Variants in GPR157 observed in about 807,000 individuals in gnomAD.
The protein encoded by GPR157 is G-protein coupled receptor 157.
In GPR157, 16 loss-of-function variants were observed where a neutral mutation model predicts 23.5. The ratio of observed to expected loss-of-function variants is 0.68; its 90% CI spans 0.46 to 1.04. The LOEUF (loss-of-function observed/expected upper bound fraction) is 1.04, where lower values mean the gene tolerates loss of function less well. GPR157 is among the 50% of genes least tolerant of loss of function. The probability of loss-of-function intolerance (pLI) is 0.00; values close to 1 mark genes in which losing one functional copy is unlikely to be tolerated. For synonymous variants in GPR157, 200 were observed against 221.5 expected (o/e 0.90, Z 0.86); for missense variants, 440 against 460.7 (o/e 0.96, Z 0.41).
intron 1 of GPR157, among the ~76,000 whole-genome samples, chr1:9,123,825 A>ATATTAT (rs1638909524): frequency 7.3e-6 from 1 of 136,698 alleles, no homozygotes; most frequent in African/African-American, 2.8e-5. Flanking sequence ...TATATATACA[A>ATATTAT]ATATTTAATT....
At chr1:9,109,178 G>A (rs1638421288) in intron 2 of GPR157, among the ~76,000 whole-genome samples, 1 of 150,646 alleles carries the variant, frequency 6.6e-6, no homozygotes, top group South Asian at 2.1e-4. Context: ...TGCCTCCTGG[G>A]TTCAAGTGAT....
rs1639015112 is a variant in GPR157, at chr1:9,128,543, G to A, written c.383+102C>T. ...GCGCCAGCAGGCACTGCTTGCTGTG[G>A]GTAGGGGGTGTCCAACCTAGACGCG... On this transcript the variant is annotated intron_variant, in intron 1 of 3. Transcript: ENST00000377411. This position sits in a 1 kb window ranked among gnomAD's most constrained non-coding sequence, Gnocchi z 6.3. 1 of 1,119,984 alleles carries A rather than the reference G, an allele frequency of 8.9e-7. No homozygotes were observed. The allele number at this position is 1,119,984 out of a possible 1,614,324, so 69.4% of individuals were successfully genotyped here.
chr1:9,106,699 C>T (rs1003766522), intron 2 of GPR157, among the ~76,000 whole-genome samples: 5 of 152,252 alleles, frequency 3.3e-5, no homozygotes, highest in African/African-American at 7.2e-5. Context: ...TGCAAAGGCT[C>T]ATGCCTGGAA....
intron 1 of GPR157, among the ~76,000 whole-genome samples, chr1:9,124,472 A>G (rs2124531241): frequency 6.6e-6 from 1 of 152,322 alleles, no homozygotes; most frequent in Middle Eastern, 3.4e-3. Context: ...TTCCTATCCC[A>G]GAAAAGCAGA....
rs1263774568 is a variant in GPR157, at chr1:9,120,877, G to A, written c.383+7768C>T. ...AGAAAACTTTTATGGGGAAATAAAC[G>A]AAACCAGTTCAATGATTGATATTTT... On this transcript the variant is annotated intron_variant, in intron 1 of 3. Coordinates refer to ENST00000377411, the MANE Select transcript of GPR157 (RefSeq NM_024980.5). This position sits in a 1 kb window ranked among gnomAD's most constrained non-coding sequence, Gnocchi z 4.1. Among the ~76,000 whole-genome samples, 7 of 152,148 alleles carry A rather than the reference G, an allele frequency of 4.6e-5. No individual in the cohort carries two copies. The East Asian group carries it at 5.8e-4, about 13-fold the overall frequency.
chr1:9,114,702 G>A (rs569448600), intron 1 of GPR157, among the ~76,000 whole-genome samples: 2 of 152,156 alleles, frequency 1.3e-5, no homozygotes, highest in Non-Finnish European at 2.9e-5. Flanking sequence ...CTGAGTTTGT[G>A]CTGGGAAATA....
chr1:9,116,207 A>AT (rs368584355), intron 1 of GPR157, among the ~76,000 whole-genome samples: 1 of 74 alleles, frequency 0.014, no homozygotes, highest in Non-Finnish European at 0.017. Context: ...TTATATATAT[A>AT]ATTATATATA....
intron 2 of GPR157, among the ~76,000 whole-genome samples, chr1:9,106,387 G>A (rs942513242): frequency 6.6e-6 from 1 of 151,988 alleles, no homozygotes; most frequent in Non-Finnish European, 1.5e-5. Context: ...ACCCGAGTCT[G>A]CTCCAGTGAG....
chr1:9,128,894 C>G lies in GPR157; in HGVS notation c.134G>C (p.Arg45Pro). The change falls in exon 1 of 4, where the codon CGG becomes CCG. Residue 45 changes from arginine (R) to proline (P), a missense_variant. Transcript: ENST00000377411. This position sits in a 1 kb window ranked among gnomAD's most constrained non-coding sequence, Gnocchi z 6.3. ...THALWPDLRS[R>P]ARRLLLFLSL... ...CAGGAAGAGCAGCAGGCGCCGTGCC[C>G]GGCTGCGCAGGTCGGGCCACAGGGC... 2 of 1,554,588 alleles carry G rather than the reference C, an allele frequency of 1.3e-6. No individual in the cohort carries two copies. The highest frequency in any genetic ancestry group is 1.2e-5 in the South Asian group (1 of 85,054).
At position 9,128,445 on chromosome 1, in the gene GPR157, C is replaced by T. The variant is rs559003895; in HGVS notation, c.383+200G>A. 1.2e-5 allele frequency: 8 copies of T among 686,388 alleles called. No homozygotes were observed. The highest frequency in any genetic ancestry group is 4.6e-5 in the South Asian group (3 of 64,956). 42.5% of individuals were successfully genotyped at this position (686,388 alleles called of 1,614,324 possible). On this transcript the variant is annotated intron_variant, in intron 1 of 3. Coordinates refer to ENST00000377411, the MANE Select transcript of GPR157 (RefSeq NM_024980.5). This position sits in a 1 kb window ranked among gnomAD's most constrained non-coding sequence, Gnocchi z 6.3. Reference sequence around the variant, plus strand: ...GGGCTGTGCCCTGGGGCAGGCACAGCGGGGCTCCTTCGGGAGGGAGCGAAT... The same window carrying T: ...GGGCTGTGCCCTGGGGCAGGCACAGTGGGGCTCCTTCGGGAGGGAGCGAAT...
intron 2 of GPR157, among the ~76,000 whole-genome samples, chr1:9,106,006 G>A (rs1439949233): frequency 6.6e-6 from 1 of 152,132 alleles, no homozygotes; most frequent in East Asian, 1.9e-4. Flanking sequence ...TTGGGGCTCT[G>A]TTTTGACCCC....
chr1:9,123,392 TAA>T (rs1204129229), intron 1 of GPR157, among the ~76,000 whole-genome samples: 56 of 43,634 alleles, frequency 1.3e-3, no homozygotes, highest in African/African-American at 4.1e-3. Flanking sequence ...ATATTTAATT[TAA>T]ATATATATTT....
intron 1 of GPR157, among the ~76,000 whole-genome samples, chr1:9,117,058 G>T (rs952006844): frequency 2.6e-5 from 4 of 151,996 alleles, no homozygotes; most frequent in Admixed American, 6.6e-5. Context: ...TTTCAAAATG[G>T]GATCTCACTA....
rs548479857 is a variant in GPR157, at chr1:9,128,888, C to G, written c.140G>C (p.Arg47Pro). 1.3e-6 allele frequency: 2 copies of G among 1,559,196 alleles called. No individual in the cohort carries two copies. The highest frequency in any genetic ancestry group is 4.8e-5 in the East Asian group (2 of 41,508). ...ALWPDLRSRA[R>P]RLLLFLSLAD... ...CAGCGACAGGAAGAGCAGCAGGCGC[C>G]GTGCCCGGCTGCGCAGGTCGGGCCA... The change falls in exon 1 of 4, where the codon CGG becomes CCG. Residue 47 changes from arginine (R) to proline (P), a missense_variant. Coordinates refer to ENST00000377411, the MANE Select transcript of GPR157 (RefSeq NM_024980.5). The surrounding 1 kb of genome is among the most constrained non-coding windows in gnomAD (Gnocchi z 6.3).
In GPR157 at chr1:9,118,642, C is replaced by A. The variant is rs1010335146; in HGVS notation, c.384-7153G>T. Among the ~76,000 whole-genome samples the A allele has an allele frequency of 6.6e-6, 1 of 152,294 alleles. No homozygotes were observed. The highest frequency in any genetic ancestry group is 2.1e-4 in the South Asian group (1 of 4,830). On this transcript the variant is annotated intron_variant, in intron 1 of 3. Coordinates refer to ENST00000377411, the MANE Select transcript of GPR157 (RefSeq NM_024980.5). This position sits in a 1 kb window ranked among gnomAD's most constrained non-coding sequence, Gnocchi z 4.6. Reference sequence around the variant, plus strand: ...GTTGAAGTCCTAATCCCCAGAACCTCAGAATGTGAGTGTATTTGAGAGATA... The same window carrying A: ...GTTGAAGTCCTAATCCCCAGAACCTAAGAATGTGAGTGTATTTGAGAGATA...
chr1:9,116,966 C>T (rs1447801684), intron 1 of GPR157, among the ~76,000 whole-genome samples: 1 of 152,028 alleles, frequency 6.6e-6, no homozygotes, highest in Non-Finnish European at 1.5e-5. Flanking sequence ...GTCTTGAACT[C>T]CTGGCTTCAA....
chr1:9,128,392 G>C lies in GPR157; in HGVS notation c.383+253C>G, dbSNP rs1226687040. Reference sequence around the variant, plus strand: ...CCAAGGAAACAGGGCCCGGCTCTGGGGGCGAACTCTGTCCCCACTACCCCA... The same window carrying C: ...CCAAGGAAACAGGGCCCGGCTCTGGCGGCGAACTCTGTCCCCACTACCCCA... On this transcript the variant is annotated intron_variant, in intron 1 of 3. Coordinates refer to ENST00000377411, the MANE Select transcript of GPR157 (RefSeq NM_024980.5). This position sits in a 1 kb window ranked among gnomAD's most constrained non-coding sequence, Gnocchi z 6.3. The C allele has an allele frequency of 1.4e-6, 1 of 691,480 alleles. No individual in the cohort carries two copies. The highest frequency in any genetic ancestry group is 2.6e-6 in the Non-Finnish European group (1 of 378,156). The allele number at this position is 691,480 out of a possible 1,614,324, so 42.8% of individuals were successfully genotyped here.
chr1:9,108,900 C>T (rs1017522351), intron 2 of GPR157, among the ~76,000 whole-genome samples: 3 of 152,206 alleles, frequency 2.0e-5, no homozygotes, highest in South Asian at 2.1e-4. Context: ...ATTCTCCTAC[C>T]TCAGCCTCCT....
chr1:9,108,400 A>C (rs1569951455), intron 2 of GPR157, among the ~76,000 whole-genome samples: 1 of 152,096 alleles, frequency 6.6e-6, no homozygotes, highest in Non-Finnish European at 1.5e-5. Flanking sequence ...ACCCATTGTC[A>C]CCCGTAAGGG....
Sources: gnomAD v4.1 joint callset for allele counts (sites outside exome capture counted in the v4.1 genomes callset) on GRCh38, gnomAD v4.1.1 for gene constraint, Gnocchi (gnomAD v3.1) non-coding constraint, MANE v1.5 for transcripts, NCBI Gene and HGNC (gene_info 2026-07-23, HGNC 2026-07-21) for gene names.